The following ERG variants were observed in gnomAD, a reference collection of about 807,000 sequenced individuals.
The protein encoded by ERG is transcriptional regulator ERG.
Under a neutral mutation model 55.3 loss-of-function variants are expected in ERG, and 9 were observed. The observed-to-expected ratio is 0.16, with a 90% confidence interval of 0.10 to 0.28. The LOEUF is 0.28. Ranked by LOEUF, ERG falls within the 10% of genes least tolerant of loss-of-function variation. ERG has a pLI of 1.00. For missense variants in ERG, 434 were observed against 631.6 expected (o/e 0.69, Z 3.35); for synonymous variants, 223 against 237.3 (o/e 0.94, Z 0.55).
Position 38,487,546 on chromosome 21 carries a change from A to G in ERG, c.18+10817T>C, listed in dbSNP as rs182688803. On this transcript the variant is annotated intron_variant, in intron 1 of 9. Coordinates refer to ENST00000288319, the MANE Select transcript of ERG (RefSeq NM_182918.4). The stretch of plus-strand genomic sequence containing the variant: ...TCCTATCCCATCAGGCATCCATGAC[A>G]AATCTGTCTGCTGTCTGGTCCTGTA... Among the ~76,000 whole-genome samples the G allele has an allele frequency of 2.9e-3, 437 of 152,344 alleles. 1 individual carries two copies. The highest frequency in any genetic ancestry group is 0.01 in the African/African-American group (417 of 41,586).
chr21:38,497,245 C>A (rs1202126433), intron 1 of ERG, among the ~76,000 whole-genome samples: 1 of 152,190 alleles, frequency 6.6e-6, no homozygotes, highest in African/African-American at 2.4e-5. Context: ...AAATACCAAA[C>A]CAAAGAGTAT....
chr21:38,522,793 A>G (rs1601183228), intron 2 of ERG, among the ~76,000 whole-genome samples: 1 of 152,174 alleles, frequency 6.6e-6, no homozygotes, highest in Non-Finnish European at 1.5e-5. Context: ...TTACTTCAGA[A>G]TTTTTCAAGC....
chr21:38,581,052 T>C (rs1489148826), intron 1 of ERG, among the ~76,000 whole-genome samples: 1 of 152,086 alleles, frequency 6.6e-6, no homozygotes, highest in Non-Finnish European at 1.5e-5. Context: ...ACACACAAGA[T>C]CTTCCCAAGA....
intron 2 of ERG, among the ~76,000 whole-genome samples, chr21:38,528,211 T>C (rs1258729576): frequency 6.6e-6 from 1 of 152,174 alleles, no homozygotes; most frequent in Non-Finnish European, 1.5e-5. Flanking sequence ...AGCACTGGAT[T>C]AGGGGCCCAC....
intron 1 of ERG, among the ~76,000 whole-genome samples, chr21:38,639,011 C>T (rs1388523375): frequency 1.3e-5 from 2 of 152,164 alleles, no homozygotes; most frequent in African/African-American, 4.8e-5. Flanking sequence ...CCTCAGAACC[C>T]TGCAGCCAGG....
chr21:38,536,335 C>A (rs2059710298), intron 2 of ERG, among the ~76,000 whole-genome samples: 1 of 152,042 alleles, frequency 6.6e-6, no homozygotes, highest in African/African-American at 2.4e-5. Context: ...GGGAAAACAG[C>A]CCACATGAAA....
chr21:38,481,972 G>T (rs966919278), intron 1 of ERG, among the ~76,000 whole-genome samples: 5 of 152,216 alleles, frequency 3.3e-5, no homozygotes, highest in Non-Finnish European at 7.3e-5. Context: ...CTGGATAAAT[G>T]CTGGTAGGTG....
chr21:38,626,357 G>T (rs1457813092), intron 1 of ERG, among the ~76,000 whole-genome samples: 5 of 152,186 alleles, frequency 3.3e-5, no homozygotes, highest in African/African-American at 9.7e-5. Context: ...TTTGCAAAAT[G>T]TTGACTGACC....
At chr21:38,529,084 G>A (rs996089725) in intron 2 of ERG, among the ~76,000 whole-genome samples, 3 of 152,116 alleles carry the variant, frequency 2.0e-5, no homozygotes, top group Non-Finnish European at 4.4e-5. Context: ...CCACAGCAGA[G>A]TGAGCCAGTG....
At chr21:38,539,699 C>T (rs936032620) in intron 2 of ERG, among the ~76,000 whole-genome samples, 1 of 152,008 alleles carries the variant, frequency 6.6e-6, no homozygotes, top group Non-Finnish European at 1.5e-5. Flanking sequence ...CCTCTGCCCA[C>T]CTTGTTTTGC....
intron 9 of ERG, among the ~76,000 whole-genome samples, chr21:38,390,519 T>C (rs1385329189): frequency 6.6e-6 from 1 of 152,116 alleles, no homozygotes; most frequent in African/African-American, 2.4e-5. Flanking sequence ...CCAATGTCCT[T>C]ATGCAAAAGA....
At chr21:38,407,116 C>T (rs1014523739) in intron 3 of ERG, among the ~76,000 whole-genome samples, 1 of 152,138 alleles carries the variant, frequency 6.6e-6, no homozygotes, top group African/African-American at 2.4e-5. Context: ...TGTGCAGATT[C>T]CCTGGCTTAA....
intron 3 of ERG, among the ~76,000 whole-genome samples, chr21:38,415,572 G>A (rs1190806062): frequency 6.6e-6 from 1 of 152,044 alleles, no homozygotes; most frequent in African/African-American, 2.4e-5. Context: ...CCATCATATC[G>A]ACAGAGTGGA....
chr21:38,649,093 A>T (rs1049114794), intron 1 of ERG, among the ~76,000 whole-genome samples: 3 of 152,208 alleles, frequency 2.0e-5, no homozygotes, highest in African/African-American at 7.2e-5. Context: ...AGGAAAAAAT[A>T]AACTCGATGG....
intron 2 of ERG, among the ~76,000 whole-genome samples, chr21:38,513,334 T>C (rs745589853): frequency 3.8e-4 from 58 of 151,626 alleles, no homozygotes; most frequent in Non-Finnish European, 7.1e-4. Flanking sequence ...TTGAGTTGAG[T>C]TCCCCAAAAA....
chr21:38,635,783 A>G (rs892733047), intron 1 of ERG, among the ~76,000 whole-genome samples: 4 of 152,196 alleles, frequency 2.6e-5, no homozygotes, highest in Non-Finnish European at 5.9e-5. Flanking sequence ...GCAGTCCGCC[A>G]CTATTACCAC....
chr21:38,408,248 G>T (rs1471296288), intron 3 of ERG, among the ~76,000 whole-genome samples: 7 of 152,302 alleles, frequency 4.6e-5, no homozygotes, highest in Admixed American at 2.0e-4. Context: ...AGTTTGCAGG[G>T]GAAAAACCCA....
chr21:38,624,606 T>C (rs2060313636), intron 1 of ERG, among the ~76,000 whole-genome samples: 1 of 152,162 alleles, frequency 6.6e-6, no homozygotes. Flanking sequence ...AGCGTAGGGC[T>C]GGGAAAAAGG....
chr21:38,373,881 T>C, the ERG span, among the ~76,000 whole-genome samples: 1 of 124,684 alleles, frequency 8.0e-6, no homozygotes, highest in African/African-American at 3.6e-5. Context: ...TGTAAACTAT[T>C]TTTTTTTAAG....
Sources: allele counts gnomAD v4.1 joint callset (sites outside exome capture counted in the v4.1 genomes callset), GRCh38; gene constraint gnomAD v4.1.1; transcripts MANE v1.5; gene names NCBI Gene and HGNC (gene_info 2026-07-23, HGNC 2026-07-21).